TMEM132B: variants seen among roughly 807,000 people sequenced by gnomAD.
The protein encoded by TMEM132B is transmembrane protein 132B.
A neutral mutation model predicts 90.8 loss-of-function variants in TMEM132B; 18 were observed. The observed-to-expected ratio is 0.20, with a 90% CI of 0.14 to 0.29. The LOEUF (loss-of-function observed/expected upper bound fraction) is 0.29, where lower values mean the gene tolerates loss of function less well. Ranked by LOEUF, TMEM132B falls within the 10% of genes least tolerant of loss-of-function variation. TMEM132B has a pLI of 1.00. For missense variants in TMEM132B, 1,096 were observed against 1,326.8 expected, an observed-to-expected ratio of 0.83 and a Z score of 2.70; for synonymous variants, 504 against 523.3, an observed-to-expected ratio of 0.96 and a Z score of 0.50.
chr12:125,373,230 A>T (rs369699192), intron 2 of TMEM132B, among the ~76,000 whole-genome samples: 1 of 152,108 alleles, frequency 6.6e-6, no homozygotes, highest in East Asian at 1.9e-4. Context: ...ACGCCTTTAC[A>T]TCTCGGATAC....
chr12:125,186,431 A>AGGCGGCGGC lies in TMEM132B; in HGVS notation c.-355_-347dup, dbSNP rs546589513. On this transcript the variant is annotated 5_prime_UTR_variant, in exon 1 of 9. Transcript: ENST00000682704. The surrounding 1 kb of genome is among the most constrained non-coding windows in gnomAD (Gnocchi z 6.3). ...GGCGGCCGGCAGATGGCGATGGCAG[A>AGGCGGCGGC]GGCGGCGGCGGCGGCGGCGGCGCGA... Among the ~76,000 whole-genome samples the AGGCGGCGGC allele has an allele frequency of 1.8e-4, 26 of 144,524 alleles. No homozygotes were observed. In the East Asian group the frequency reaches 4.6e-3, roughly 25 times the overall value. 94.8% of individuals were successfully genotyped at this position (144,524 alleles called of 152,430 possible).
At chr12:125,612,188 C>G (rs1295255445) in intron 5 of TMEM132B, among the ~76,000 whole-genome samples, 1 of 151,828 alleles carries the variant, frequency 6.6e-6, no homozygotes, top group Non-Finnish European at 1.5e-5. Context: ...AAAAAATGAC[C>G]AATAAGGCCA....
Position 125,277,528 on chromosome 12 carries a change from C to CAT in TMEM132B, c.68-71922_68-71921dup, listed in dbSNP as rs545678169. Among the ~76,000 whole-genome samples the CAT allele has an allele frequency of 3.3e-5, 5 of 151,050 alleles. No individual in the cohort carries two copies. The highest frequency in any genetic ancestry group is 2.1e-4 in the South Asian group (1 of 4,744). On this transcript the variant is annotated intron_variant, in intron 1 of 8. Transcript: ENST00000682704. This position sits in a 1 kb window ranked among gnomAD's most constrained non-coding sequence, Gnocchi z 4.3. The stretch of plus-strand genomic sequence containing the variant: ...ACACACACACACACACACACACACA[C>CAT]ATACACACACACACGGGAAGGCCAT...
intron 2 of TMEM132B, among the ~76,000 whole-genome samples, chr12:125,387,031 A>G (rs1412369225): frequency 6.6e-6 from 1 of 152,018 alleles, no homozygotes; most frequent in Non-Finnish European, 1.5e-5. Context: ...GGTACAGGGG[A>G]GATGTTGTCT....
chr12:125,199,258 C>T (rs916612792), intron 1 of TMEM132B, among the ~76,000 whole-genome samples: 1 of 151,938 alleles, frequency 6.6e-6, no homozygotes, highest in Non-Finnish European at 1.5e-5. Context: ...TTACTGACCT[C>T]AATGAGGGAA....
chr12:125,341,997 C>T (rs1281905984), intron 1 of TMEM132B, among the ~76,000 whole-genome samples: 5 of 152,170 alleles, frequency 3.3e-5, no homozygotes, highest in African/African-American at 1.2e-4. Context: ...TTCTGTTCCT[C>T]CCTCAGACCT....
intron 1 of TMEM132B, among the ~76,000 whole-genome samples, chr12:125,240,877 C>T (rs762448642): frequency 3.3e-5 from 5 of 152,234 alleles, no homozygotes; most frequent in Non-Finnish European, 5.9e-5. Context: ...GCCGGGCCCT[C>T]GTCCCATGCC....
rs535142292 is a variant in TMEM132B, at chr12:125,193,566, C to A, written c.67+6700C>A. ...GTGACTGTGCGATCCAGGAAGACTT[C>A]TTAGAGGAGGTGGCAGTTTTCTAAT... On this transcript the variant is annotated intron_variant, in intron 1 of 8. Transcript: ENST00000682704. Among the ~76,000 whole-genome samples the A allele has an allele frequency of 1.2e-4, 19 of 152,292 alleles. No homozygotes were observed. In the South Asian group the frequency reaches 3.7e-3, roughly 30 times the overall value.
intron 1 of TMEM132B, among the ~76,000 whole-genome samples, chr12:125,212,901 T>G (rs986016650): frequency 1.3e-5 from 2 of 150,642 alleles, no homozygotes; most frequent in Non-Finnish European, 3.0e-5. Context: ...TTCACTTCAT[T>G]TTTTTTTTTA....
intron 1 of TMEM132B, among the ~76,000 whole-genome samples, chr12:125,305,650 G>C (rs755587885): frequency 6.6e-6 from 1 of 152,132 alleles, no homozygotes; most frequent in African/African-American, 2.4e-5. Flanking sequence ...TGGCCAATCT[G>C]GGACAGGTAA....
rs1341020080 is a variant in TMEM132B, at chr12:125,660,080, C to T, written c.*5370C>T. ...CCTGGGCAACATGGTGAAACCCTGT[C>T]TCTACTAAAAATACAAAAATTATCC... On this transcript the variant is annotated 3_prime_UTR_variant, in exon 9 of 9. Coordinates refer to ENST00000682704, the MANE Select transcript of TMEM132B (RefSeq NM_001366854.1). The T allele has an allele frequency of 6.6e-6, 1 of 152,414 alleles. No homozygotes were observed. Among genetic ancestry groups the T allele is most frequent in the African/African-American group, 2.4e-5 (1 of 41,440 alleles). The allele number at this position is 152,414 out of a possible 1,614,324, so 9.4% of individuals were successfully genotyped here. A position where few individuals can be genotyped will look rare whatever the true frequency, so the allele number is the denominator to read the frequency against.
intron 1 of TMEM132B, among the ~76,000 whole-genome samples, chr12:125,306,761 A>G (rs2088708): frequency 0.085 from 12,869 of 152,292 alleles, 614 homozygotes; most frequent in Non-Finnish European, 0.1. Flanking sequence ...GCTTTGCTGC[A>G]TGTCAATTGC....
intron 4 of TMEM132B, among the ~76,000 whole-genome samples, chr12:125,542,842 G>A (rs553591431): frequency 5.3e-5 from 8 of 152,204 alleles, no homozygotes; most frequent in African/African-American, 1.7e-4. Context: ...GTTCTTTTGA[G>A]TATATTGGAG....
At chr12:125,554,498 G>T (rs1335126221) in intron 4 of TMEM132B, among the ~76,000 whole-genome samples, 1 of 142,542 alleles carries the variant, frequency 7.0e-6, no homozygotes, top group Non-Finnish European at 1.5e-5. Context: ...TCTTCTAATT[G>T]TGTGGCTTAT....
At chr12:125,517,976 G>A (rs1016831897) in intron 3 of TMEM132B, among the ~76,000 whole-genome samples, 9 of 152,158 alleles carry the variant, frequency 5.9e-5, no homozygotes, top group Non-Finnish European at 1.0e-4. Context: ...TAATTTGCAC[G>A]TAAATGGCCA....
At chr12:125,649,952 G>A (rs1192702149) in intron 6 of TMEM132B, among the ~76,000 whole-genome samples, 2 of 152,166 alleles carry the variant, frequency 1.3e-5, no homozygotes, top group Non-Finnish European at 2.9e-5. Flanking sequence ...CATTTCAGAT[G>A]TTTTAGCAGT....
At chr12:125,644,005 T>TTTTCATGCAG in intron 5 of TMEM132B, 71 bp from the exon 6 acceptor site, 3 of 1,401,874 alleles carry the variant, frequency 2.1e-6, no homozygotes, top group Non-Finnish European at 3.0e-6. Context: ...GTTCATGAAC[T>TTTTCATGCAG]TTCACTGTTG....
intron 2 of TMEM132B, among the ~76,000 whole-genome samples, chr12:125,404,292 C>T (rs931040617): frequency 4.6e-5 from 7 of 152,062 alleles, no homozygotes; most frequent in South Asian, 2.1e-4. Context: ...CTAGAGCACC[C>T]CTTATGAAAT....
At chr12:125,220,367 G>C (rs1873530570) in intron 1 of TMEM132B, among the ~76,000 whole-genome samples, 1 of 152,228 alleles carries the variant, frequency 6.6e-6, no homozygotes, top group Non-Finnish European at 1.5e-5. Context: ...ACCGCCTGGA[G>C]ACACGTAACA....
Sources: allele counts gnomAD v4.1 joint callset (sites outside exome capture counted in the v4.1 genomes callset), GRCh38; gene constraint gnomAD v4.1.1; non-coding constraint Gnocchi (gnomAD v3.1); transcripts MANE v1.5; gene names NCBI Gene and HGNC (gene_info 2026-07-23, HGNC 2026-07-21).